STON2: variants seen among roughly 807,000 people sequenced by gnomAD.
STON2 encodes the protein stonin-2.
A neutral mutation model predicts 65.7 loss-of-function variants in STON2; 29 were observed. The ratio of observed to expected loss-of-function variants is 0.44; its 90% CI spans 0.33 to 0.60. STON2 has a LOEUF of 0.60. STON2 is among the 20% of genes least tolerant of loss of function. The pLI, the probability that STON2 is intolerant of heterozygous loss-of-function variation, is 0.03. For missense variants in STON2, 1,054 were observed against 1,118.1 expected, an observed-to-expected ratio of 0.94 and a Z score of 0.82; for synonymous variants, 404 against 414.2, an observed-to-expected ratio of 0.98 and a Z score of 0.30.
chr14:81,377,378 T>A (rs1244132155), intron 3 of STON2, among the ~76,000 whole-genome samples: 1 of 151,212 alleles, frequency 6.6e-6, no homozygotes, highest in Admixed American at 6.6e-5. Flanking sequence ...TAGTATTCCA[T>A]GATATACATA....
At chr14:81,286,663 A>C (rs1219560252) in intron 5 of STON2, among the ~76,000 whole-genome samples, 1 of 152,234 alleles carries the variant, frequency 6.6e-6, no homozygotes, top group South Asian at 2.1e-4. Flanking sequence ...CCAAACCTAC[A>C]GTATATCTGA....
intron 2 of STON2, among the ~76,000 whole-genome samples, chr14:81,422,758 G>A (rs1050304473): frequency 1.6e-4 from 24 of 152,164 alleles, no homozygotes; most frequent in Non-Finnish European, 4.4e-5. Flanking sequence ...TCCAGGCCAG[G>A]CACGGTGGCT....
At chr14:81,301,217 A>G (rs1595315056) in intron 5 of STON2, among the ~76,000 whole-genome samples, 3 of 152,344 alleles carry the variant, frequency 2.0e-5, no homozygotes, top group Non-Finnish European at 4.4e-5. Flanking sequence ...CTCTCATTCA[A>G]TATTTATTGA....
At chr14:81,314,210 T>C (rs1039209531) in intron 5 of STON2, among the ~76,000 whole-genome samples, 18 of 152,264 alleles carry the variant, frequency 1.2e-4, no homozygotes, top group African/African-American at 4.3e-4. Context: ...CAAGGCCACT[T>C]CCTGGTAGGA....
intron 4 of STON2, among the ~76,000 whole-genome samples, chr14:81,339,397 T>C (rs1595369581): frequency 6.6e-6 from 1 of 152,118 alleles, no homozygotes; most frequent in Non-Finnish European, 1.5e-5. Context: ...TGCTCTGGGA[T>C]TAACCTGGCA....
At chr14:81,330,908 A>C (rs1897187275) in intron 4 of STON2, among the ~76,000 whole-genome samples, 1 of 152,202 alleles carries the variant, frequency 6.6e-6, no homozygotes, top group Admixed American at 6.5e-5. Flanking sequence ...CTTAGTGATT[A>C]AGTTAGTGCA....
chr14:81,270,808 G>T lies in STON2; in HGVS notation c.2646C>A (p.Ser882=), dbSNP rs1182906065. 1.2e-6 allele frequency: 2 copies of T among 1,613,948 alleles called. No individual in the cohort carries two copies. Among genetic ancestry groups the T allele is most frequent in the Non-Finnish European group, 1.7e-6 (2 of 1,180,032 alleles). ...LELGSDREVP[S]RFANHVNVEF... ...CGACATTCACGTGATTGGCAAATCT[G>T]GAAGGCACTTCCCGGTCAGAGCCGA... Residue 882 remains serine, a synonymous_variant, in exon 7 of 8, where the codon TCC becomes TCA. Coordinates refer to ENST00000614646, the MANE Select transcript of STON2 (RefSeq NM_001394390.1).
intron 5 of STON2, among the ~76,000 whole-genome samples, chr14:81,305,432 A>G (rs1243926960): frequency 1.3e-5 from 2 of 152,126 alleles, no homozygotes; most frequent in Non-Finnish European, 2.9e-5. Flanking sequence ...TATATTGTGG[A>G]TTTTACTGAA....
At chr14:81,356,484 C>T (rs1329530054) in intron 4 of STON2, among the ~76,000 whole-genome samples, 5 of 151,988 alleles carry the variant, frequency 3.3e-5, no homozygotes, top group Admixed American at 3.3e-4. Context: ...TTTGTTGTGT[C>T]TCTGCCAGGC....
At chr14:81,429,661 T>C (rs993344407) in intron 1 of STON2, among the ~76,000 whole-genome samples, 1 of 152,146 alleles carries the variant, frequency 6.6e-6, no homozygotes, top group Non-Finnish European at 1.5e-5. Context: ...AGGTCGGGCA[T>C]GATGGCTCAC....
intron 2 of STON2, among the ~76,000 whole-genome samples, chr14:81,407,905 A>G (rs1900947383): frequency 1.3e-5 from 2 of 152,236 alleles, no homozygotes; most frequent in South Asian, 4.1e-4. Context: ...TCTGTGTCAC[A>G]GTGGGCTACA....
chr14:81,427,194 T>C (rs912667138), exon 2 of STON2: 9 of 152,244 alleles, frequency 5.9e-5, no homozygotes, highest in Non-Finnish European at 8.8e-5. Flanking sequence ...TGTACTTTTT[T>C]GCCTCGTGAG....
intron 4 of STON2, among the ~76,000 whole-genome samples, chr14:81,359,614 T>C (rs1165144436): frequency 2.6e-5 from 4 of 151,782 alleles, no homozygotes; most frequent in South Asian, 4.1e-4. Flanking sequence ...AAAGATAACA[T>C]GGATGAACTT....
intron 4 of STON2, among the ~76,000 whole-genome samples, chr14:81,334,195 T>G (rs1897297660): frequency 6.6e-6 from 1 of 152,222 alleles, no homozygotes; most frequent in African/African-American, 2.4e-5. Flanking sequence ...GCACCAGTAA[T>G]TGCCCAGATC....
intron 3 of STON2, among the ~76,000 whole-genome samples, chr14:81,386,638 G>A (rs1285771732): frequency 6.6e-6 from 1 of 152,154 alleles, no homozygotes; most frequent in South Asian, 2.1e-4. Flanking sequence ...GGGTTTTTTT[G>A]TTGTTGTTTG....
Position 81,291,524 on chromosome 14 carries a change from T to C in STON2, c.743-12785A>G, listed in dbSNP as rs139072681. Among the ~76,000 whole-genome samples the C allele has an allele frequency of 1.2e-3, 190 of 152,264 alleles. 2 individuals are homozygous for C. Among genetic ancestry groups the C allele is most frequent in the African/African-American group, 4.2e-3 (173 of 41,552 alleles). On this transcript the variant is annotated intron_variant, in intron 5 of 7. Transcript: ENST00000614646. ...TAGACTTAAGGAGATACTCAATTGA[T>C]CCACTGGGGTATGGAAAGAAAATAT...
intron 1 of STON2, among the ~76,000 whole-genome samples, chr14:81,434,770 AG>A (rs1902349920): frequency 6.6e-6 from 1 of 152,236 alleles, no homozygotes; most frequent in Non-Finnish European, 1.5e-5. Flanking sequence ...AGTTTTAAAA[AG>A]AAAAATAAAA....
intron 4 of STON2, among the ~76,000 whole-genome samples, chr14:81,334,776 G>A (rs1897314342): frequency 6.6e-6 from 1 of 152,106 alleles, no homozygotes; most frequent in African/African-American, 2.4e-5. Flanking sequence ...ATGTCCTATC[G>A]TAGTCTGGTG....
At chr14:81,364,889 A>G (rs1898651732) in intron 4 of STON2, among the ~76,000 whole-genome samples, 1 of 152,184 alleles carries the variant, frequency 6.6e-6, no homozygotes, top group Non-Finnish European at 1.5e-5. Context: ...CCTGATAGCA[A>G]TAACATAAAC....
Sources: allele counts gnomAD v4.1 joint callset (sites outside exome capture counted in the v4.1 genomes callset), GRCh38; gene constraint gnomAD v4.1.1; transcripts MANE v1.5; gene names NCBI Gene and HGNC (gene_info 2026-07-23, HGNC 2026-07-21).